The following CCDC180 variants were observed in gnomAD, a reference collection of about 807,000 sequenced individuals.
The protein encoded by CCDC180 is coiled-coil domain-containing protein 180.
CCDC180 carries 154 observed loss-of-function variants against 209.2 expected under a neutral mutation model. The ratio of observed to expected loss-of-function variants is 0.74; its 90% CI spans 0.65 to 0.84. CCDC180 has a LOEUF of 0.84. Among genes scored for constraint, CCDC180 ranks in the 40% least tolerant of loss-of-function variants. The probability of loss-of-function intolerance (pLI) is 0.00; values close to 1 mark genes in which losing one functional copy is unlikely to be tolerated. For synonymous variants in CCDC180, 778 were observed against 749.1 expected (o/e 1.04, Z -0.63); for missense variants, 1,874 against 1,997.3 (o/e 0.94, Z 1.18).
In CCDC180 at chr9:97,328,105, G is replaced by T. The variant is rs766375186; in HGVS notation, c.1747G>T (p.Ala583Ser). Residue 583 changes from alanine (A) to serine (S), a missense_variant, in exon 16 of 37, where the codon GCC becomes TCC. Coordinates refer to ENST00000529487, the MANE Select transcript of CCDC180 (RefSeq NM_020893.6). ...GAAAGAACTCAACTCCTACAGCTCT[G>T]CCCTCAGCCAATACTTCTTTGTGCG... ...MLKELNSYSSALSQYFFVREI... is the reference protein window; with the variant it reads ...MLKELNSYSSSLSQYFFVREI... 7.4e-6 allele frequency: 12 copies of T among 1,613,918 alleles called. No individual in the cohort carries two copies. The East Asian group carries it at 2.5e-4, about 33-fold the overall frequency.
intron 20 of CCDC180, among the ~76,000 whole-genome samples, chr9:97,348,777 C>G (rs1826343211): frequency 6.6e-6 from 1 of 152,198 alleles, no homozygotes; most frequent in South Asian, 2.1e-4. Context: ...TGTTACCCAC[C>G]AGACCCTCTC....
chr9:97,370,549 A>T, intron 32 of CCDC180, 92 bp from the exon 33 acceptor site: 4 of 1,438,586 alleles, frequency 2.8e-6, no homozygotes, highest in Non-Finnish European at 3.8e-6. Context: ...AGAGGACATG[A>T]GTCTGGCCAT....
In CCDC180 at chr9:97,350,502, G is replaced by C; in HGVS notation, c.2949G>C (p.Glu983Asp). ...TGCGCAGCTTCCGGCAGTACTTGGAGGAGAGTCTGGGCAAACTCCGCTACT... is the reference window on the plus strand; with the variant it reads ...TGCGCAGCTTCCGGCAGTACTTGGACGAGAGTCTGGGCAAACTCCGCTACT... The part of the protein sequence containing the change: ...VSLRSFRQYL[E>D]ESLGKLRYSN... Residue 983 changes from glutamate (E) to aspartate (D), a missense_variant, in exon 22 of 37, where the codon GAG becomes GAC. Transcript: ENST00000529487. 6.5e-7 allele frequency: 1 copy of C among 1,536,488 alleles called. No individual in the cohort carries two copies. Among genetic ancestry groups the C allele is most frequent in the Non-Finnish European group, 8.7e-7 (1 of 1,147,018 alleles).
chr9:97,340,377 G>A (rs947921822), intron 18 of CCDC180, among the ~76,000 whole-genome samples: 6 of 152,018 alleles, frequency 3.9e-5, no homozygotes, highest in South Asian at 4.2e-4. Flanking sequence ...GATTGTGGGC[G>A]GCAAGCCACC....
intron 26 of CCDC180, among the ~76,000 whole-genome samples, chr9:97,360,940 A>G (rs902401444): frequency 1.3e-5 from 2 of 152,102 alleles, no homozygotes; most frequent in Non-Finnish European, 2.9e-5. Context: ...TGCTCTCACC[A>G]CCAAGCCTTG....
At chr9:97,307,551 G>T, upstream of CCDC180, 1 of 627,460 alleles carries the variant, frequency 1.6e-6, no homozygotes. Flanking sequence ...ACCTGAATCA[G>T]GTTACTCTCT....
rs879199350 is a variant in CCDC180, at chr9:97,313,333, G to T, written c.447G>T (p.Ala149=). The T allele has an allele frequency of 1.9e-6, 3 of 1,609,530 alleles. No homozygotes were observed. The Admixed American group carries it at 5.0e-5, about 27-fold the overall frequency. Residue 149 remains alanine (A), a synonymous_variant, in exon 5 of 37, where the codon GCG becomes GCT. Transcript: ENST00000529487. ...TGGCCAGCTTTCAGGAGGAGATTGCGCAGGTGGGAAAGGTGAGAATCCTCC... is the reference window on the plus strand; with the variant it reads ...TGGCCAGCTTTCAGGAGGAGATTGCTCAGGTGGGAAAGGTGAGAATCCTCC... The part of the protein sequence containing the change: ...SALASFQEEI[A]QVGKEMEPLI...
intron 24 of CCDC180, among the ~76,000 whole-genome samples, 169 bp downstream of exon 24, chr9:97,355,177 C>G (rs1826543350): frequency 6.6e-6 from 1 of 151,782 alleles, no homozygotes. Context: ...TTTTTTGAGA[C>G]AGGGTCTTGC....
intron 18 of CCDC180, among the ~76,000 whole-genome samples, chr9:97,337,528 G>A (rs1267843494): frequency 6.6e-6 from 1 of 152,166 alleles, no homozygotes. Flanking sequence ...TGATCTTGGT[G>A]GATAAGCTTT....
rs1827040109 is a variant in CCDC180 at position 97,370,203 on chromosome 9, T to G, written c.4350+121T>G. ...AGAAGGTGAGCTTGGCTTGGGATTT[T>G]TGGATGGGGGCTGAGGGACAGGAGC... On this transcript the variant is annotated intron_variant, in intron 32 of 36. Coordinates refer to ENST00000529487, the MANE Select transcript of CCDC180 (RefSeq NM_020893.6). The G allele has an allele frequency of 1.4e-5, 15 of 1,107,140 alleles. No individual in the cohort carries two copies. In the East Asian group the frequency reaches 3.8e-4, roughly 28 times the overall value. The allele number at this position is 1,107,140 out of a possible 1,614,324, so 68.6% of individuals were successfully genotyped here.
rs185109145 is a variant in CCDC180 at position 97,329,912 on chromosome 9, C to A, written c.1789-242C>A. Among the ~76,000 whole-genome samples the A allele has an allele frequency of 2.9e-3, 443 of 151,914 alleles. 2 individuals are homozygous for A. The highest frequency in any genetic ancestry group is 6.8e-3 in the Middle Eastern group (2 of 292). Reference sequence around the variant, plus strand: ...TGAAACCCTGTCTTTACTAAAAATACAAAAAATTAGCCAGGCGTGGTGGCT... The same window carrying A: ...TGAAACCCTGTCTTTACTAAAAATAAAAAAAATTAGCCAGGCGTGGTGGCT... On this transcript the variant is annotated intron_variant, in intron 16 of 36. Coordinates refer to ENST00000529487, the MANE Select transcript of CCDC180 (RefSeq NM_020893.6).
chr9:97,315,011 A>T, intron 8 of CCDC180, 65 bp downstream of exon 8: 1 of 1,246,768 alleles, frequency 8.0e-7, no homozygotes, highest in East Asian at 2.4e-5. Context: ...AACCCAGGGC[A>T]CCCCGAGCCT....
chr9:97,323,946 T>TG, intron 13 of CCDC180, 43 bp downstream of exon 13: 1 of 1,546,258 alleles, frequency 6.5e-7, no homozygotes, highest in Non-Finnish European at 8.7e-7. Flanking sequence ...GAGGTGGGGT[T>TG]GGGGGTCCCC....
At chr9:97,314,307 G>A in intron 5 of CCDC180, 86 bp from the exon 6 acceptor site, 2 of 1,511,398 alleles carry the variant, frequency 1.3e-6, no homozygotes, top group Admixed American at 3.4e-5. Context: ...ATAGAACCAT[G>A]CCTGGCACTT....
intron 13 of CCDC180, 102 bp downstream of exon 13, chr9:97,324,005 C>G (rs995020741): frequency 1.5e-6 from 2 of 1,350,178 alleles, no homozygotes; most frequent in African/African-American, 2.9e-5. Flanking sequence ...CTTGCATGTT[C>G]CTAGTGTGTC....
chr9:97,346,936 C>A (rs1826276614), intron 19 of CCDC180, among the ~76,000 whole-genome samples: 1 of 152,098 alleles, frequency 6.6e-6, no homozygotes, highest in African/African-American at 2.4e-5. Context: ...ACAAAATTGT[C>A]AAATTTAGAC....
intron 22 of CCDC180, among the ~76,000 whole-genome samples, chr9:97,351,884 G>A (rs1189750535): frequency 2.6e-5 from 4 of 152,036 alleles, no homozygotes; most frequent in Non-Finnish European, 1.5e-5. Flanking sequence ...ATTCTGAGGC[G>A]GGCGGATCAC....
intron 24 of CCDC180, among the ~76,000 whole-genome samples, chr9:97,357,221 C>G (rs1483882766): frequency 6.6e-6 from 1 of 151,900 alleles, no homozygotes; most frequent in East Asian, 1.9e-4. Flanking sequence ...GTTTTTACAG[C>G]CTTGGCTCTG....
chr9:97,365,835 A>T (rs1265265313), intron 30 of CCDC180, 96 bp downstream of exon 30: 19 of 1,070,086 alleles, frequency 1.8e-5, no homozygotes, highest in Non-Finnish European at 2.5e-5. Context: ...AATGAGGAAG[A>T]GAGGATTCCA....
Sources: gnomAD v4.1 joint callset for allele counts (sites outside exome capture counted in the v4.1 genomes callset) on GRCh38, gnomAD v4.1.1 for gene constraint, MANE v1.5 for transcripts, NCBI Gene and HGNC (gene_info 2026-07-23, HGNC 2026-07-21) for gene names.